The following CACNA2D2 variants were observed in gnomAD, a reference collection of about 807,000 sequenced individuals.
CACNA2D2 encodes the protein calcium voltage-gated channel auxiliary subunit alpha2delta 2.
CACNA2D2 carries 48 observed loss-of-function variants against 166.4 expected under a neutral mutation model. The ratio of observed to expected loss-of-function variants is 0.29; its 90% CI spans 0.23 to 0.37. The LOEUF is 0.37. Among genes scored for constraint, CACNA2D2 ranks in the 10% least tolerant of loss-of-function variants. The probability of loss-of-function intolerance (pLI) is 1.00; values close to 1 mark genes in which losing one functional copy is unlikely to be tolerated. For synonymous variants in CACNA2D2, 561 were observed against 573.7 expected (o/e 0.98, Z 0.32); for missense variants, 1,122 against 1,433.0 (o/e 0.78, Z 3.50).
intron 1 of CACNA2D2, among the ~76,000 whole-genome samples, chr3:50,495,179 T>C (rs1217532669): frequency 6.6e-6 from 1 of 152,188 alleles, no homozygotes; most frequent in African/African-American, 2.4e-5. Flanking sequence ...GATGGTGGTA[T>C]CAGGACCTCA....
At chr3:50,418,368 C>T (rs1275592371) in intron 3 of CACNA2D2, among the ~76,000 whole-genome samples, 3 of 152,192 alleles carry the variant, frequency 2.0e-5, no homozygotes, top group Non-Finnish European at 2.9e-5. Flanking sequence ...CTTGGCCCTC[C>T]ACTGCCCCGA....
intron 3 of CACNA2D2, among the ~76,000 whole-genome samples, chr3:50,417,698 T>A (rs1707328269): frequency 6.6e-6 from 1 of 152,162 alleles, no homozygotes; most frequent in African/African-American, 2.4e-5. Flanking sequence ...CACCTGTGGA[T>A]GTGGGGAGGG....
intron 5 of CACNA2D2, among the ~76,000 whole-genome samples, chr3:50,385,817 G>A (rs966964559): frequency 6.6e-6 from 1 of 152,222 alleles, no homozygotes; most frequent in Non-Finnish European, 1.5e-5. Flanking sequence ...GCTCAGAGGA[G>A]GGGGAGGCGC....
At chr3:50,492,417 A>T (rs1035221184) in intron 1 of CACNA2D2, among the ~76,000 whole-genome samples, 19 of 152,362 alleles carry the variant, frequency 1.2e-4, no homozygotes, top group African/African-American at 4.6e-4. Context: ...TCACTGGCAC[A>T]GCACGGCAAC....
At chr3:50,383,090 T>C (rs972629024) in intron 6 of CACNA2D2, among the ~76,000 whole-genome samples, 2 of 152,170 alleles carry the variant, frequency 1.3e-5, no homozygotes, top group African/African-American at 4.8e-5. Flanking sequence ...AAAAAACATA[T>C]AAAATGCAAT....
At chr3:50,440,360 T>C (rs1413825805) in intron 2 of CACNA2D2, among the ~76,000 whole-genome samples, 1 of 152,268 alleles carries the variant, frequency 6.6e-6, no homozygotes, top group Admixed American at 6.5e-5. Flanking sequence ...CTTCATCAGC[T>C]GCTGACATTT....
In CACNA2D2 at chr3:50,415,298, G is replaced by C. The variant is rs116221126; in HGVS notation, c.405+19015C>G. On this transcript the variant is annotated intron_variant, in intron 3 of 37. Transcript: ENST00000424201. ...GGCTACAGAAGGTGCTGTGCAGAGA[G>C]AGCTGAGCCCCGTGTGGGTCCAGGG... 2.9e-3 allele frequency among the ~76,000 whole-genome samples: 441 copies of C among 152,350 alleles called. 2 individuals are homozygous for C. The highest frequency in any genetic ancestry group is 0.01 in the African/African-American group (418 of 41,584).
chr3:50,440,434 G>A (rs1365906215), intron 2 of CACNA2D2, among the ~76,000 whole-genome samples: 1 of 152,278 alleles, frequency 6.6e-6, no homozygotes, highest in African/African-American at 2.4e-5. Flanking sequence ...CAGGCGGGGT[G>A]GCCCCATGGT....
At chr3:50,412,923 C>A (rs551012598) in intron 3 of CACNA2D2, among the ~76,000 whole-genome samples, 5 of 152,302 alleles carry the variant, frequency 3.3e-5, no homozygotes, top group Non-Finnish European at 5.9e-5. Context: ...CCTCCCTGGT[C>A]TCCCGGTGCC....
Position 50,367,500 on chromosome 3 carries a change from G to A in CACNA2D2, c.2298-3C>T. The A allele has an allele frequency of 6.2e-7, 1 of 1,613,736 alleles. No individual in the cohort carries two copies. The highest frequency in any genetic ancestry group is 8.5e-7 in the Non-Finnish European group (1 of 1,179,828). Reference sequence around the variant, plus strand: ...TCTCTGTCCAGTCCTCAGCTGCCCTGGAGCACCCAAGAGGCAGACTGGTAG... The same window carrying A: ...TCTCTGTCCAGTCCTCAGCTGCCCTAGAGCACCCAAGAGGCAGACTGGTAG... On this transcript the variant is annotated splice_polypyrimidine_tract_variant and splice_region_variant and intron_variant, in intron 26 of 37. Coordinates refer to ENST00000424201, the MANE Select transcript of CACNA2D2 (RefSeq NM_006030.4). This position sits in a 1 kb window ranked among gnomAD's most constrained non-coding sequence, Gnocchi z 6.5.
chr3:50,488,205 G>A (rs140174785), intron 1 of CACNA2D2, among the ~76,000 whole-genome samples: 34 of 152,280 alleles, frequency 2.2e-4, no homozygotes, highest in African/African-American at 7.5e-4. Flanking sequence ...CCCACAGACC[G>A]ACCGTGGGCA....
chr3:50,481,325 C>T (rs1487723676), intron 1 of CACNA2D2, among the ~76,000 whole-genome samples: 1 of 152,144 alleles, frequency 6.6e-6, no homozygotes, highest in Non-Finnish European at 1.5e-5. Flanking sequence ...GGCCTTCTTA[C>T]CACTCACACG....
intron 22 of CACNA2D2, 35 bp from the exon 23 acceptor site, chr3:50,370,415 TG>T: frequency 3.0e-5 from 7 of 237,020 alleles, no homozygotes; most frequent in Non-Finnish European, 3.1e-5. Flanking sequence ...CGGCGGGGGC[TG>T]GGGAGGCTGG....
Position 50,375,570 on chromosome 3 carries a change from A to C in CACNA2D2, c.1907+74T>G. ...ACTGGGATGGTGGTCACAGTGGGAGAGGGAGGGGACAGCTGGGCTCAGATT... is the reference window on the plus strand; with the variant it reads ...ACTGGGATGGTGGTCACAGTGGGAGCGGGAGGGGACAGCTGGGCTCAGATT... On this transcript the variant is annotated intron_variant, in intron 21 of 37. Coordinates refer to ENST00000424201, the MANE Select transcript of CACNA2D2 (RefSeq NM_006030.4). This position sits in a 1 kb window ranked among gnomAD's most constrained non-coding sequence, Gnocchi z 4.0. 1 of 1,505,788 alleles carries C rather than the reference A, an allele frequency of 6.6e-7. No individual in the cohort carries two copies. Among genetic ancestry groups the C allele is most frequent in the African/African-American group, 1.4e-5 (1 of 73,034 alleles). 93.3% of individuals were successfully genotyped at this position (1,505,788 alleles called of 1,614,324 possible).
chr3:50,401,146 G>T (rs1301043622), intron 3 of CACNA2D2, among the ~76,000 whole-genome samples: 1 of 152,232 alleles, frequency 6.6e-6, no homozygotes, highest in East Asian at 1.9e-4. Context: ...TGCCTCAGGG[G>T]AAGGCTGGCA....
chr3:50,478,467 T>G (rs1697897571), intron 1 of CACNA2D2, among the ~76,000 whole-genome samples: 1 of 152,242 alleles, frequency 6.6e-6, no homozygotes, highest in Non-Finnish European at 1.5e-5. Flanking sequence ...GCCCTGACCC[T>G]GACCTCAGCC....
In CACNA2D2 at chr3:50,363,110, C is replaced by T; in HGVS notation, c.*1556G>A. 2.5e-6 allele frequency: 1 copy of T among 398,760 alleles called. No individual in the cohort carries two copies. The highest frequency in any genetic ancestry group is 4.4e-6 in the Non-Finnish European group (1 of 226,056). 24.7% of individuals were successfully genotyped at this position (398,760 alleles called of 1,614,324 possible). ...TTTGTCTGTTTTTCTGTTTTTTAAA[C>T]TTAAAATATATATTTTTCTGTATAT... On this transcript the variant is annotated 3_prime_UTR_variant, in exon 38 of 38. Transcript: ENST00000424201.
At chr3:50,491,735 C>A (rs756404832) in intron 1 of CACNA2D2, among the ~76,000 whole-genome samples, 2 of 152,226 alleles carry the variant, frequency 1.3e-5, no homozygotes, top group Admixed American at 1.3e-4. Context: ...GACTCACAGC[C>A]GTGGCCTGTA....
chr3:50,435,599 C>T (rs1480143328), intron 2 of CACNA2D2, among the ~76,000 whole-genome samples: 2 of 139,574 alleles, frequency 1.4e-5, no homozygotes, highest in Non-Finnish European at 3.0e-5. Flanking sequence ...GGTAGAGTGA[C>T]AGCGAGAAGG....
Sources: allele counts gnomAD v4.1 joint callset (sites outside exome capture counted in the v4.1 genomes callset), GRCh38; gene constraint gnomAD v4.1.1; non-coding constraint Gnocchi (gnomAD v3.1); transcripts MANE v1.5; gene names NCBI Gene and HGNC (gene_info 2026-07-23, HGNC 2026-07-21).